Variants in TNIP1 observed in about 807,000 individuals in gnomAD.
TNIP1 encodes the protein TNFAIP3-interacting protein 1.
TNIP1 carries 22 observed loss-of-function variants against 86.6 expected under a neutral mutation model. The observed-to-expected ratio is 0.25, with a 90% CI of 0.18 to 0.36. TNIP1 has a LOEUF of 0.36. TNIP1 is among the 10% of genes least tolerant of loss of function. The pLI is 1.00. For missense variants in TNIP1, 709 were observed against 820.6 expected (o/e 0.86, Z 1.66); for synonymous variants, 294 against 313.0 (o/e 0.94, Z 0.64).
chr5:151,073,123 G>A (rs1762994955), intron 1 of TNIP1, among the ~76,000 whole-genome samples: 1 of 151,782 alleles, frequency 6.6e-6, no homozygotes, highest in Admixed American at 6.6e-5. Context: ...TGGGGAGGCT[G>A]AGGTAGGAGA....
intron 1 of TNIP1, among the ~76,000 whole-genome samples, chr5:151,069,271 T>C (rs928702487): frequency 7.2e-5 from 11 of 152,228 alleles, no homozygotes; most frequent in African/African-American, 2.7e-4. Flanking sequence ...CTGAAATGCT[T>C]TGGTCTGTCA....
intron 1 of TNIP1, among the ~76,000 whole-genome samples, chr5:151,066,542 C>T (rs940085212): frequency 3.3e-5 from 5 of 152,252 alleles, no homozygotes; most frequent in African/African-American, 9.6e-5. Context: ...TACCACCCTG[C>T]TCCCAGAATG....
intron 1 of TNIP1, among the ~76,000 whole-genome samples, chr5:151,069,581 C>T (rs1192098510): frequency 6.6e-6 from 1 of 151,948 alleles, no homozygotes; most frequent in Non-Finnish European, 1.5e-5. Context: ...TGATGCCCTC[C>T]CTGGCCCAGA....
chr5:151,070,676 G>GC (rs1561534389), intron 1 of TNIP1, among the ~76,000 whole-genome samples: 1 of 152,196 alleles, frequency 6.6e-6, no homozygotes, highest in Non-Finnish European at 1.5e-5. Flanking sequence ...GAAGTGAGAT[G>GC]CCATGATATC....
At position 151,076,874 on chromosome 5, in the gene TNIP1, C is replaced by CCCCA. The variant is rs544785395; in HGVS notation, c.-37+4002_-37+4005dup. 1.5e-4 allele frequency among the ~76,000 whole-genome samples: 23 copies of CCCCA among 152,284 alleles called. No homozygotes were observed. The South Asian group carries it at 2.3e-3, about 15-fold the overall frequency. ...GAATGCAAGCCAGGTGTCTTCAAAG[C>CCCCA]CCCACCCACATCTGAGTTTCCGCCA... On this transcript the variant is annotated intron_variant, in intron 1 of 17. Transcript: ENST00000521591.
At position 151,065,049 on chromosome 5, in the gene TNIP1, A is replaced by C. The variant is rs1440859504; in HGVS notation, c.47T>G (p.Val16Gly). 1.9e-6 allele frequency: 3 copies of C among 1,614,186 alleles called. No homozygotes were observed. Among genetic ancestry groups the C allele is most frequent in the Non-Finnish European group, 2.5e-6 (3 of 1,180,010 alleles). ...AGCTGCGGATGCCTCTCCTGAGGGC[A>C]CGCTGCCCCCAGGGTCGTAGATCCG... ...PYRIYDPGGS[V>G]PSGEASAAFE... Residue 16 changes from valine to glycine, a missense_variant, in exon 2 of 18, where the codon GTG (valine) becomes GGG (glycine). Coordinates refer to ENST00000521591, the MANE Select transcript of TNIP1 (RefSeq NM_006058.5).
chr5:151,055,769 G>A (rs1055900673), intron 6 of TNIP1, among the ~76,000 whole-genome samples: 1 of 152,242 alleles, frequency 6.6e-6, no homozygotes, highest in African/African-American at 2.4e-5. Flanking sequence ...ACAGATCAGA[G>A]AATGGCCTGG....
At chr5:151,047,935 T>C (rs1759391423) in intron 8 of TNIP1, among the ~76,000 whole-genome samples, 1 of 151,584 alleles carries the variant, frequency 6.6e-6, no homozygotes, top group Non-Finnish European at 1.5e-5. Flanking sequence ...TTCTCAGCGT[T>C]CTCTTTCCAG....
At position 151,033,703 on chromosome 5, in the gene TNIP1, G is replaced by C; in HGVS notation, c.1684C>G (p.His562Asp). ...YPPMPAMVPH[H>D]GFEDWSQIRY... Reference sequence around the variant, plus strand: ...ATCTGGGACCAGTCCTCGAAGCCATGGTGTGGCACCATGGCTGGCATGGGC... The same window carrying C: ...ATCTGGGACCAGTCCTCGAAGCCATCGTGTGGCACCATGGCTGGCATGGGC... Residue 562 changes from histidine (H) to aspartate (D), a missense_variant, in exon 16 of 18, where the codon CAT becomes GAT. By Grantham distance (81) the His-to-Asp change is moderately conservative (BLOSUM62 -1). Coordinates refer to ENST00000521591, the MANE Select transcript of TNIP1 (RefSeq NM_006058.5). The C allele has an allele frequency of 2.2e-6, 3 of 1,353,062 alleles. No homozygotes were observed. Among genetic ancestry groups the C allele is most frequent in the African/African-American group, 1.5e-5 (1 of 66,910 alleles). The allele number at this position is 1,353,062 out of a possible 1,614,324, so 83.8% of individuals were successfully genotyped here. A position where few individuals can be genotyped will look rare whatever the true frequency, so the allele number is the denominator to read the frequency against.
Position 151,065,802 on chromosome 5 carries a change from G to GT in TNIP1, c.-36-672dup, listed in dbSNP as rs1762156278. ...ATTTAATACACTGTCACCCTCCTCC[G>GT]TGAGTCTCATATCATATATGGTCTG... On this transcript the variant is annotated intron_variant, in intron 1 of 17. Coordinates refer to ENST00000521591, the MANE Select transcript of TNIP1 (RefSeq NM_006058.5). Among the ~76,000 whole-genome samples, 6 of 152,122 alleles carry GT rather than the reference G, an allele frequency of 3.9e-5. No individual in the cohort carries two copies. The South Asian group carries it at 1.2e-3, about 32-fold the overall frequency.
In TNIP1 at chr5:151,033,772, G is replaced by A. The variant is rs146625793; in HGVS notation, c.1615C>T (p.Pro539Ser). 2.2e-4 allele frequency: 299 copies of A among 1,364,328 alleles called. No individual in the cohort carries two copies. The highest frequency in any genetic ancestry group is 2.4e-4 in the Non-Finnish European group (253 of 1,051,778). 84.5% of individuals were successfully genotyped at this position (1,364,328 alleles called of 1,614,324 possible). The change falls in exon 16 of 18, where the codon CCC (proline) becomes TCC (serine). Residue 539 changes from proline (P) to serine (S), a missense_variant. By Grantham distance (74) the Pro-to-Ser change is moderately conservative. Transcript: ENST00000521591. Reference sequence around the variant, plus strand: ...GCCCCGCAGAGATGTTCTGGGTGGGGCTCCACATGGTAACGCTCTCCTGAG... The same window carrying A: ...GCCCCGCAGAGATGTTCTGGGTGGGACTCCACATGGTAACGCTCTCCTGAG... ...KASGERYHVEPHPEHLCGAYP... is the reference protein window; with the variant it reads ...KASGERYHVESHPEHLCGAYP...
intron 6 of TNIP1, 34 bp downstream of exon 6, chr5:151,056,732 G>A: frequency 6.9e-7 from 1 of 1,443,442 alleles, no homozygotes; most frequent in East Asian, 2.7e-5. Flanking sequence ...AAGCACGCCT[G>A]CCTGTCTCGG....
chr5:151,067,967 C>T (rs891676074), intron 1 of TNIP1, among the ~76,000 whole-genome samples: 19 of 152,178 alleles, frequency 1.2e-4, no homozygotes, highest in Non-Finnish European at 2.6e-4. Flanking sequence ...AAACCCACCC[C>T]ACGTCCTCCA....
chr5:151,042,420 T>G (rs886438635), intron 11 of TNIP1, 120 bp downstream of exon 11: 2 of 1,401,328 alleles, frequency 1.4e-6, no homozygotes, highest in Non-Finnish European at 1.9e-6. Context: ...TTTGGTCACC[T>G]AGCTCTTTCG....
chr5:151,063,164 C>T (rs1273791367), intron 3 of TNIP1, among the ~76,000 whole-genome samples: 2 of 152,216 alleles, frequency 1.3e-5, no homozygotes, highest in African/African-American at 4.8e-5. Flanking sequence ...CAGCTTCTTC[C>T]CTGGGCCTCA....
At chr5:151,062,501 T>C (rs922048271) in intron 3 of TNIP1, among the ~76,000 whole-genome samples, 5 of 152,182 alleles carry the variant, frequency 3.3e-5, no homozygotes, top group East Asian at 3.8e-4. Flanking sequence ...ATAAAGACAA[T>C]GATTTACAAT....
At chr5:151,036,706 T>A (rs1757748070) in intron 13 of TNIP1, 84 bp downstream of exon 13, 3 of 1,599,664 alleles carry the variant, frequency 1.9e-6, no homozygotes, top group Non-Finnish European at 2.6e-6. Flanking sequence ...ACAGGTTCCA[T>A]GTGATTCCAA....
chr5:151,049,723 C>G, intron 8 of TNIP1, 101 bp downstream of exon 8: 2 of 1,421,496 alleles, frequency 1.4e-6, no homozygotes, highest in Non-Finnish European at 2.0e-6. Context: ...ACCACTGGCA[C>G]TGGCTGCAGG....
In TNIP1 at chr5:151,044,091, C is replaced by T. The variant is rs1227575064; in HGVS notation, c.937-1130G>A. Among the ~76,000 whole-genome samples the T allele has an allele frequency of 2.0e-5, 3 of 151,996 alleles. No homozygotes were observed. In the East Asian group the frequency reaches 5.8e-4, roughly 29 times the overall value. On this transcript the variant is annotated intron_variant, in intron 9 of 17. Coordinates refer to ENST00000521591, the MANE Select transcript of TNIP1 (RefSeq NM_006058.5). The stretch of plus-strand genomic sequence containing the variant: ...AGTTAATTTTTTTTTTGGAGGCAGG[C>T]CTAGGCTGGAGTGCAGTGGTATGAT...
Sources: allele counts gnomAD v4.1 joint callset (sites outside exome capture counted in the v4.1 genomes callset), GRCh38; gene constraint gnomAD v4.1.1; transcripts MANE v1.5; gene names NCBI Gene and HGNC (gene_info 2026-07-23, HGNC 2026-07-21).